RAB2B: variants seen among roughly 807,000 people sequenced by gnomAD.
RAB2B encodes RAB2B, member RAS oncogene family, also known as ras-related protein Rab-2B.
A neutral mutation model predicts 29.8 loss-of-function variants in RAB2B; 20 were observed. That is an observed-to-expected ratio of 0.67 (90% CI 0.47 to 0.97). The LOEUF (loss-of-function observed/expected upper bound fraction) is 0.97. Among genes scored for constraint, RAB2B ranks in the 50% least tolerant of loss-of-function variants. RAB2B has a pLI of 0.00. For missense variants in RAB2B, 218 were observed against 272.0 expected (o/e 0.80, Z 1.40); for synonymous variants, 93 against 91.7 (o/e 1.01, Z -0.08).
intron 6 of RAB2B, 46 bp from the exon 7 acceptor site, chr14:21,462,464 G>T: frequency 6.9e-7 from 1 of 1,456,602 alleles, no homozygotes; most frequent in Non-Finnish European, 9.6e-7. Context: ...TTCAGGTAGA[G>T]AAATGAGGGA....
In RAB2B at chr14:21,468,370, T is replaced by C; in HGVS notation, c.349A>G (p.Ile117Val). Residue 117 changes from isoleucine (I) to valine (V), a missense_variant, in exon 5 of 8, where the codon ATT becomes GTT. By Grantham distance (29) the Ile-to-Val change is conservative. Transcript: ENST00000397762. ...ATACAATTTTACCTCTTATTCCCAA[T>C]GAGCATGATAACCATGTTGGAACTA... ...HSSSNMVIML[I>V]GNKSDLESRR... 6.2e-7 allele frequency: 1 copy of C among 1,613,288 alleles called. No homozygotes were observed. Among genetic ancestry groups the C allele is most frequent in the South Asian group, 1.1e-5 (1 of 91,050 alleles).
In RAB2B at chr14:21,473,095, T is replaced by C. The variant is rs528255586; in HGVS notation, c.186+1772A>G. Reference sequence around the variant, plus strand: ...AGATCTGTAGAGATAGACGGATAGATGGATGGATAGACAGATGAACTTAAG... The same window carrying C: ...AGATCTGTAGAGATAGACGGATAGACGGATGGATAGACAGATGAACTTAAG... On this transcript the variant is annotated intron_variant, in intron 3 of 7. Transcript: ENST00000397762. Among the ~76,000 whole-genome samples the C allele has an allele frequency of 3.9e-5, 6 of 152,164 alleles. No individual in the cohort carries two copies. The South Asian group carries it at 1.2e-3, about 32-fold the overall frequency.
chr14:21,460,522 T>C lies in RAB2B; in HGVS notation c.*674A>G, dbSNP rs1419364886. The C allele has an allele frequency of 4.7e-6, 1 of 212,392 alleles. No homozygotes were observed. The highest frequency in any genetic ancestry group is 9.2e-6 in the Non-Finnish European group (1 of 108,526). 13.2% of individuals were successfully genotyped at this position (212,392 alleles called of 1,614,324 possible). ...ACTGCTTGAACCTGGAAAGTGGAGGTTGCAGTGAGCCAAGATCATGCCACT... is the reference window on the plus strand; with the variant it reads ...ACTGCTTGAACCTGGAAAGTGGAGGCTGCAGTGAGCCAAGATCATGCCACT... On this transcript the variant is annotated 3_prime_UTR_variant, in exon 8 of 8. Coordinates refer to ENST00000397762, the MANE Select transcript of RAB2B (RefSeq NM_032846.4).
rs574892180 is a variant in RAB2B at position 21,460,010 on chromosome 14, C to T, written c.*1186G>A. Reference sequence around the variant, plus strand: ...GGCCACATGTCCCTGACCAACTTCACTGCTCTTAAAAGTTTTGAAGTTACA... The same window carrying T: ...GGCCACATGTCCCTGACCAACTTCATTGCTCTTAAAAGTTTTGAAGTTACA... On this transcript the variant is annotated 3_prime_UTR_variant, in exon 8 of 8. Transcript: ENST00000397762. 1 of 369,004 alleles carries T rather than the reference C, an allele frequency of 2.7e-6. No individual in the cohort carries two copies. Among genetic ancestry groups the T allele is most frequent in the East Asian group, 6.6e-5 (1 of 15,124 alleles). 22.9% of individuals were successfully genotyped at this position (369,004 alleles called of 1,614,324 possible).
At position 21,459,852 on chromosome 14, in the gene RAB2B, A is replaced by G; in HGVS notation, c.*1344T>C. On this transcript the variant is annotated 3_prime_UTR_variant, in exon 8 of 8. Coordinates refer to ENST00000397762, the MANE Select transcript of RAB2B (RefSeq NM_032846.4). ...GTAGATTAGCCTGATTGGAGTAGAA[A>G]GTCTAGGTCTAGTTAAGAAGGGAGT... 4.2e-6 allele frequency: 1 copy of G among 238,222 alleles called. No individual in the cohort carries two copies. The highest frequency in any genetic ancestry group is 8.6e-6 in the Non-Finnish European group (1 of 116,942). 14.8% of individuals were successfully genotyped at this position (238,222 alleles called of 1,614,324 possible).
rs1002803321 is a variant in RAB2B, at chr14:21,476,914, A to T, written c.-42T>A. On this transcript the variant is annotated 5_prime_UTR_variant, in exon 1 of 8. Coordinates refer to ENST00000397762, the MANE Select transcript of RAB2B (RefSeq NM_032846.4). Reference sequence around the variant, plus strand: ...GGTTCCGGGTCCGCCCGACTTCTATAGCCACTTACCTCCGACCTCTCTAGC... The same window carrying T: ...GGTTCCGGGTCCGCCCGACTTCTATTGCCACTTACCTCCGACCTCTCTAGC... 3 of 1,607,826 alleles carry T rather than the reference A, an allele frequency of 1.9e-6. No individual in the cohort carries two copies. Among genetic ancestry groups the T allele is most frequent in the Admixed American group, 1.7e-5 (1 of 60,008 alleles).
At chr14:21,463,299 T>C (rs900988568) in intron 6 of RAB2B, among the ~76,000 whole-genome samples, 3 of 145,222 alleles carry the variant, frequency 2.1e-5, no homozygotes, top group Non-Finnish European at 3.0e-5. Flanking sequence ...TAGGCTGGAG[T>C]GCAGTGGCGG....
chr14:21,464,921 T>C (rs1414796396), intron 5 of RAB2B, among the ~76,000 whole-genome samples: 5 of 152,036 alleles, frequency 3.3e-5, no homozygotes, highest in African/African-American at 1.2e-4. Context: ...GAGGATCTCT[T>C]GAGCCCTGGA....
rs753695176 is a variant in RAB2B, at chr14:21,476,895, G to A, written c.-23C>T. Reference sequence around the variant, plus strand: ...CATGGTGTCGCGTCCTCTGGGTTCCGGGTCCGCCCGACTTCTATAGCCACT... The same window carrying A: ...CATGGTGTCGCGTCCTCTGGGTTCCAGGTCCGCCCGACTTCTATAGCCACT... On this transcript the variant is annotated 5_prime_UTR_variant, in exon 1 of 8. Coordinates refer to ENST00000397762, the MANE Select transcript of RAB2B (RefSeq NM_032846.4). 13 of 1,612,864 alleles carry A rather than the reference G, an allele frequency of 8.1e-6. No homozygotes were observed. Among genetic ancestry groups the A allele is most frequent in the East Asian group, 6.7e-5 (3 of 44,872 alleles).
rs531313229 is a variant in RAB2B, at chr14:21,464,894, G to A, written c.363-1127C>T. Among the ~76,000 whole-genome samples, 306 of 152,142 alleles carry A rather than the reference G, an allele frequency of 2.0e-3. 1 individual carries two copies. The highest frequency in any genetic ancestry group is 3.2e-3 in the Non-Finnish European group (219 of 67,986). On this transcript the variant is annotated intron_variant, in intron 5 of 7. Transcript: ENST00000397762. ...GACACATGCCTGTAGTCCCAGCTACGTGAGAGGCTGAGGTGAGAGGATCTC... is the reference window on the plus strand; with the variant it reads ...GACACATGCCTGTAGTCCCAGCTACATGAGAGGCTGAGGTGAGAGGATCTC...
intron 3 of RAB2B, chr14:21,474,449 CAAAA>C (rs1890898003): frequency 1.1e-4 from 1 of 8,704 alleles, no homozygotes; most frequent in Non-Finnish European, 1.1e-3. Flanking sequence ...CTAATAAAAA[CAAAA>C]CTACTACCAT....
chr14:21,459,162 G>C lies in RAB2B; in HGVS notation c.*2034C>G, dbSNP rs975000963. 5.9e-5 allele frequency: 9 copies of C among 152,352 alleles called. No homozygotes were observed. Among genetic ancestry groups the C allele is most frequent in the African/African-American group, 2.2e-4 (9 of 41,426 alleles). The allele number at this position is 152,352 out of a possible 1,614,324, so 9.4% of individuals were successfully genotyped here. On this transcript the variant is annotated 3_prime_UTR_variant, in exon 8 of 8. Transcript: ENST00000397762. ...ATATATATAGCAACCAACCCAGAAGGCTGCATGATGAGTGAAGCAAAGGCA... is the reference window on the plus strand; with the variant it reads ...ATATATATAGCAACCAACCCAGAAGCCTGCATGATGAGTGAAGCAAAGGCA...
intron 5 of RAB2B, among the ~76,000 whole-genome samples, chr14:21,465,797 T>C (rs902906615): frequency 6.6e-6 from 1 of 152,206 alleles, no homozygotes; most frequent in African/African-American, 2.4e-5. Flanking sequence ...TCCAACCTCA[T>C]CTTGCACTAT....
chr14:21,460,290 C>A lies in RAB2B; in HGVS notation c.*906G>T, dbSNP rs150860316. 1.5e-5 allele frequency: 8 copies of A among 517,694 alleles called. No homozygotes were observed. The highest frequency in any genetic ancestry group is 3.1e-5 in the Non-Finnish European group (8 of 259,418). The allele number at this position is 517,694 out of a possible 1,614,324, so 32.1% of individuals were successfully genotyped here. Reference sequence around the variant, plus strand: ...GTGGGAAGTGGATTGTATATGCTTACGAAATTATTTATTTAGGCCAGGCAC... The same window carrying A: ...GTGGGAAGTGGATTGTATATGCTTAAGAAATTATTTATTTAGGCCAGGCAC... On this transcript the variant is annotated 3_prime_UTR_variant, in exon 8 of 8. Coordinates refer to ENST00000397762, the MANE Select transcript of RAB2B (RefSeq NM_032846.4).
chr14:21,461,498 C>A (rs1408222796), intron 7 of RAB2B, among the ~76,000 whole-genome samples, 195 bp from the exon 8 acceptor site: 1 of 152,192 alleles, frequency 6.6e-6, no homozygotes, highest in Non-Finnish European at 1.5e-5. Context: ...TGATGTGGAA[C>A]AATAATCTGT....
At position 21,462,263 on chromosome 14, in the gene RAB2B, G is replaced by A. The variant is rs1890574415; in HGVS notation, c.543+87C>T. Reference sequence around the variant, plus strand: ...CTTTTAAATTGTATAATGATAGATGGGGAATGTAAGCATTCCATTCTAGGG... The same window carrying A: ...CTTTTAAATTGTATAATGATAGATGAGGAATGTAAGCATTCCATTCTAGGG... On this transcript the variant is annotated intron_variant, in intron 7 of 7. Transcript: ENST00000397762. 2.9e-6 allele frequency: 3 copies of A among 1,024,962 alleles called. No individual in the cohort carries two copies. The African/African-American group carries it at 5.0e-5, about 17-fold the overall frequency. The allele number at this position is 1,024,962 out of a possible 1,614,324, so 63.5% of individuals were successfully genotyped here. A position where few individuals can be genotyped will look rare whatever the true frequency, so the allele number is the denominator to read the frequency against.
Position 21,461,176 on chromosome 14 carries a change from A to G in RAB2B, c.*20T>C. 1 of 1,579,258 alleles carries G rather than the reference A, an allele frequency of 6.3e-7. No homozygotes were observed. Among genetic ancestry groups the G allele is most frequent in the Middle Eastern group, 1.7e-4 (1 of 5,948 alleles). On this transcript the variant is annotated 3_prime_UTR_variant, in exon 8 of 8. Coordinates refer to ENST00000397762, the MANE Select transcript of RAB2B (RefSeq NM_032846.4). ...TCTGAAGCTATTCCAGGAAGGACAA[A>G]AAAAGTTCAAGCCAGATGTTCAGCA...
chr14:21,462,766 G>A (rs1890591293), intron 6 of RAB2B, among the ~76,000 whole-genome samples: 1 of 148,978 alleles, frequency 6.7e-6, no homozygotes, highest in South Asian at 2.1e-4. Flanking sequence ...TTAAACCCAG[G>A]AGCGCAGGTT....
Position 21,465,821 on chromosome 14 carries a change from A to C in RAB2B, c.363-2054T>G, listed in dbSNP as rs575903037. ...ATCTTGCACTATTCCCTCTTGATTT[A>C]GTCCAATCACACTAGGTTTCTTTCA... is the stretch of plus-strand genomic sequence containing the variant. On this transcript the variant is annotated intron_variant, in intron 5 of 7. Coordinates refer to ENST00000397762, the MANE Select transcript of RAB2B (RefSeq NM_032846.4). Among the ~76,000 whole-genome samples the C allele has an allele frequency of 2.8e-3, 433 of 152,230 alleles. 4 individuals carry two copies. The highest frequency in any genetic ancestry group is 8.2e-3 in the African/African-American group (341 of 41,534).
Sources: gnomAD v4.1 joint callset for allele counts (sites outside exome capture counted in the v4.1 genomes callset) on GRCh38, gnomAD v4.1.1 for gene constraint, MANE v1.5 for transcripts, NCBI Gene and HGNC (gene_info 2026-07-23, HGNC 2026-07-21) for gene names.